Variants in SHROOM3 observed in about 807,000 individuals in gnomAD.
SHROOM3 encodes the protein shroom family member 3, also known as protein Shroom3.
In SHROOM3, 47 loss-of-function variants were observed where a neutral mutation model predicts 138.6. The observed-to-expected ratio is 0.34, with a 90% CI of 0.27 to 0.43. The LOEUF (loss-of-function observed/expected upper bound fraction) is 0.43, where lower values mean the gene tolerates loss of function less well. Among genes scored for constraint, SHROOM3 ranks in the 20% least tolerant of loss-of-function variants. The pLI is 1.00. For missense variants in SHROOM3, 2,491 were observed against 2,596.5 expected, an observed-to-expected ratio of 0.96 and a Z score of 0.88; for synonymous variants, 1,062 against 1,063.3, an observed-to-expected ratio of 1.00 and a Z score of 0.02.
chr4:76,447,407 A>G (rs1036451178), intron 1 of SHROOM3, among the ~76,000 whole-genome samples: 1 of 152,184 alleles, frequency 6.6e-6, no homozygotes, highest in Non-Finnish European at 1.5e-5. Flanking sequence ...GTAAGCTTTT[A>G]TCATCTTGCA....
At chr4:76,458,084 C>G (rs774743559) in intron 1 of SHROOM3, among the ~76,000 whole-genome samples, 1 of 152,224 alleles carries the variant, frequency 6.6e-6, no homozygotes, top group Non-Finnish European at 1.5e-5. Context: ...TGAGTCACCA[C>G]GCCTGGCTGC....
At chr4:76,709,643 T>A (rs1711801767) in intron 2 of SHROOM3, 2 of 173,782 alleles carry the variant, frequency 1.2e-5, no homozygotes, top group Non-Finnish European at 2.5e-5. Flanking sequence ...CTGAAATAGC[T>A]CAAGCTCAAG....
At chr4:76,633,264 C>G (rs1429486640) in intron 2 of SHROOM3, among the ~76,000 whole-genome samples, 2 of 141,188 alleles carry the variant, frequency 1.4e-5, no homozygotes, top group Non-Finnish European at 3.0e-5. Context: ...TCGCTTGAAT[C>G]TGGGAAGTGG....
chr4:76,543,052 C>T (rs1046392791), intron 1 of SHROOM3, among the ~76,000 whole-genome samples: 1 of 152,198 alleles, frequency 6.6e-6, no homozygotes, highest in Non-Finnish European at 1.5e-5. Context: ...AAGTTCTCTT[C>T]AAAACGCTGA....
chr4:76,644,891 G>C (rs1170409431), intron 2 of SHROOM3, among the ~76,000 whole-genome samples: 10 of 152,076 alleles, frequency 6.6e-5, no homozygotes, highest in Non-Finnish European at 2.9e-5. Context: ...ATGGGGTTCA[G>C]TTTTCTGTTT....
At chr4:76,550,818 G>C (rs1388024899) in intron 1 of SHROOM3, among the ~76,000 whole-genome samples, 2 of 151,848 alleles carry the variant, frequency 1.3e-5, no homozygotes, top group Non-Finnish European at 1.5e-5. Context: ...AGGCAACATA[G>C]TGAGACCTGT....
At chr4:76,704,703 A>G (rs1720001091) in intron 2 of SHROOM3, among the ~76,000 whole-genome samples, 1 of 152,260 alleles carries the variant, frequency 6.6e-6, no homozygotes, top group Admixed American at 6.5e-5. Flanking sequence ...TCCAAAATGC[A>G]TAGGGAAGCT....
At chr4:76,705,307 AAACAACAAC>A (rs147261587) in intron 2 of SHROOM3, among the ~76,000 whole-genome samples, 7 of 150,986 alleles carry the variant, frequency 4.6e-5, no homozygotes, top group South Asian at 2.1e-4. Flanking sequence ...CCGTCTCTAC[AAACAACAAC>A]AACAACAACA....
chr4:76,774,349 C>T (rs994637249), intron 10 of SHROOM3, among the ~76,000 whole-genome samples: 3 of 152,056 alleles, frequency 2.0e-5, no homozygotes, highest in African/African-American at 2.4e-5. Flanking sequence ...GTTTTTTTAT[C>T]ATGATTGGTC....
intron 2 of SHROOM3, among the ~76,000 whole-genome samples, chr4:76,635,495 A>T (rs1048685959): frequency 7.9e-5 from 12 of 152,194 alleles, no homozygotes; most frequent in African/African-American, 2.2e-4. Flanking sequence ...TTTATTAAAT[A>T]AGTACAGCCT....
At chr4:76,613,272 C>A (rs748620537) in intron 2 of SHROOM3, among the ~76,000 whole-genome samples, 10 of 152,128 alleles carry the variant, frequency 6.6e-5, no homozygotes, top group Non-Finnish European at 5.9e-5. Flanking sequence ...CTGGACAAGT[C>A]AGTTCATTTC....
At chr4:76,591,188 G>C (rs1351804662) in intron 2 of SHROOM3, among the ~76,000 whole-genome samples, 2 of 152,204 alleles carry the variant, frequency 1.3e-5, no homozygotes, top group Non-Finnish European at 2.9e-5. Context: ...ATTCTATTCT[G>C]TTCCGCATTG....
At chr4:76,550,879 A>G (rs62300890) in intron 1 of SHROOM3, among the ~76,000 whole-genome samples, 56,956 of 150,878 alleles carry the variant, frequency 0.38, 10,795 homozygotes, top group East Asian at 0.41. Flanking sequence ...CATGCCTGTG[A>G]TCCCAGCTAC....
intron 1 of SHROOM3, among the ~76,000 whole-genome samples, chr4:76,486,923 C>A (rs374410872): frequency 6.9e-6 from 1 of 145,120 alleles, no homozygotes; most frequent in African/African-American, 2.5e-5. Context: ...AAAAAAAAAA[C>A]CTTTTTGAGA....
At chr4:76,612,601 T>C (rs1239249736) in intron 2 of SHROOM3, among the ~76,000 whole-genome samples, 1 of 152,216 alleles carries the variant, frequency 6.6e-6, no homozygotes, top group Non-Finnish European at 1.5e-5. Flanking sequence ...TGTAGTATAA[T>C]AATGATATTA....
At chr4:76,582,006 T>C (rs1418239927) in intron 2 of SHROOM3, among the ~76,000 whole-genome samples, 2 of 152,354 alleles carry the variant, frequency 1.3e-5, no homozygotes, top group East Asian at 3.9e-4. Context: ...TTTGCATATT[T>C]TGTAAAGTTT....
rs533474848 is a variant in SHROOM3, at chr4:76,712,749, G to A, written c.455+2462G>A. Reference sequence around the variant, plus strand: ...GTCATATCTCTACAAATACAGTCACGTATTGCTTAATGACAGGGATACATT... The same window carrying A: ...GTCATATCTCTACAAATACAGTCACATATTGCTTAATGACAGGGATACATT... On this transcript the variant is annotated intron_variant, in intron 3 of 10. Coordinates refer to ENST00000296043, the MANE Select transcript of SHROOM3 (RefSeq NM_020859.4). 3.9e-5 allele frequency among the ~76,000 whole-genome samples: 6 copies of A among 152,262 alleles called. 1 individual carries two copies. The South Asian group carries it at 8.3e-4, about 21-fold the overall frequency.
At chr4:76,679,075 T>C (rs1719120192) in intron 2 of SHROOM3, among the ~76,000 whole-genome samples, 1 of 152,368 alleles carries the variant, frequency 6.6e-6, no homozygotes, top group Admixed American at 6.5e-5. Flanking sequence ...CTCTTAACAA[T>C]AAATAAGTGA....
At position 76,754,810 on chromosome 4, in the gene SHROOM3, C is replaced by T; in HGVS notation, c.4327C>T (p.Pro1443Ser). 1 of 1,614,186 alleles carries T rather than the reference C, an allele frequency of 6.2e-7. No individual in the cohort carries two copies. The change falls in exon 7 of 11, where the codon CCT becomes TCT. Residue 1443 changes from proline to serine, a missense_variant. Around this residue, in one of 4 missense-constraint regions of SHROOM3, gnomAD observed 1,733 missense variants for 1,661.6 expected, o/e 1.04. Coordinates refer to ENST00000296043, the MANE Select transcript of SHROOM3 (RefSeq NM_020859.4). ...CCACGCAGCCAGAGAGGACAGCCTT[C>T]CTGAGGAATCCTCAGCCCCTGATTT... ...WAHAAREDSL[P>S]EESSAPDFAN...
Sources: gnomAD v4.1 joint callset for allele counts (sites outside exome capture counted in the v4.1 genomes callset) on GRCh38, gnomAD v4.1.1 for gene constraint, gnomAD v4.1.1 regional missense constraint, MANE v1.5 for transcripts, NCBI Gene and HGNC (gene_info 2026-07-23, HGNC 2026-07-21) for gene names.